Variants in LCOR observed in about 807,000 individuals in gnomAD.
The protein encoded by LCOR is ligand dependent nuclear receptor corepressor, also known as ligand-dependent corepressor.
LCOR carries 14 observed loss-of-function variants against 64.4 expected under a neutral mutation model. The ratio of observed to expected loss-of-function variants is 0.22; its 90% CI spans 0.14 to 0.34. The LOEUF (loss-of-function observed/expected upper bound fraction) is 0.34. Ranked by LOEUF, LCOR falls within the 10% of genes least tolerant of loss-of-function variation. LCOR has a pLI of 1.00. For synonymous variants in LCOR, 643 were observed against 642.5 expected, an observed-to-expected ratio of 1.00 and a Z score of -0.01; for missense variants, 1,686 against 1,765.3, an observed-to-expected ratio of 0.96 and a Z score of 0.80.
At chr10:96,832,859 C>T (rs939447571) in intron 1 of LCOR, 4 of 393,864 alleles carry the variant, frequency 1.0e-5, no homozygotes, top group African/African-American at 4.4e-5. Context: ...CGCCGCCGTC[C>T]TCCTCCTGCG....
intron 4 of LCOR, among the ~76,000 whole-genome samples, chr10:96,911,588 A>G (rs766627878): frequency 8.5e-5 from 13 of 152,324 alleles, no homozygotes; most frequent in Non-Finnish European, 1.6e-4. Flanking sequence ...GCAAGAATTA[A>G]GTAGGTCTTG....
At chr10:96,832,897 C>T in intron 1 of LCOR, 1 of 761,318 alleles carries the variant, frequency 1.3e-6, no homozygotes, top group Non-Finnish European at 1.6e-6. Context: ...GCGGGGCGCG[C>T]CCCCGGGTCT....
intron 4 of LCOR, among the ~76,000 whole-genome samples, chr10:96,920,594 ATG>A (rs372045443): frequency 7.0e-6 from 1 of 143,628 alleles, no homozygotes; most frequent in Non-Finnish European, 1.5e-5. Context: ...ATGTGTATAT[ATG>A]TATGTATATT....
At chr10:96,940,485 T>G (rs1224819630) in intron 4 of LCOR, among the ~76,000 whole-genome samples, 1 of 121,214 alleles carries the variant, frequency 8.2e-6, no homozygotes, top group Non-Finnish European at 1.7e-5. Context: ...TTTGTGTCCC[T>G]GGGTACTTGA....
chr10:96,837,586 G>A (rs187464918), intron 2 of LCOR, among the ~76,000 whole-genome samples: 1 of 152,262 alleles, frequency 6.6e-6, no homozygotes, highest in African/African-American at 2.4e-5. Context: ...CCTTTACAGG[G>A]ACAATATTAT....
At chr10:96,832,899 C>T in intron 1 of LCOR, 1 of 799,176 alleles carries the variant, frequency 1.3e-6, no homozygotes, top group Non-Finnish European at 1.5e-6. Flanking sequence ...GGGGCGCGCC[C>T]CCGGGTCTGC....
intron 2 of LCOR, among the ~76,000 whole-genome samples, chr10:96,902,667 G>C (rs765854900): frequency 6.6e-6 from 1 of 152,102 alleles, no homozygotes; most frequent in Non-Finnish European, 1.5e-5. Flanking sequence ...GACTGACTTC[G>C]TATGAAGGCT....
At chr10:96,956,399 G>A (rs952190272) in intron 7 of LCOR, 7 of 985,050 alleles carry the variant, frequency 7.1e-6, no homozygotes, top group Non-Finnish European at 8.4e-6. Context: ...TTTCATCTAC[G>A]ATTCAACTAA....
rs376710579 is a variant in LCOR at position 96,948,167 on chromosome 10, T to C, written c.-50-841T>C. 8.5e-5 allele frequency among the ~76,000 whole-genome samples: 13 copies of C among 152,372 alleles called. No individual in the cohort carries two copies. The East Asian group carries it at 2.3e-3, about 27-fold the overall frequency. On this transcript the variant is annotated intron_variant, in intron 5 of 7. Transcript: ENST00000421806. ...AGTTCTTCGAGTTAATGAGTTCTTA[T>C]GGTTTAAACTTAACATTGACTAGAA...
chr10:96,920,205 C>T (rs1053740486), intron 4 of LCOR, among the ~76,000 whole-genome samples: 16 of 151,282 alleles, frequency 1.1e-4, no homozygotes, highest in Non-Finnish European at 2.2e-4. Flanking sequence ...TGCTAATGAA[C>T]GTGAAGTAGT....
intron 5 of LCOR, among the ~76,000 whole-genome samples, chr10:96,944,804 TA>T (rs1250599142): frequency 6.6e-6 from 1 of 152,162 alleles, no homozygotes; most frequent in African/African-American, 2.4e-5. Context: ...CTTGCATTTT[TA>T]AAATTTATCT....
intron 7 of LCOR, among the ~76,000 whole-genome samples, chr10:96,979,344 T>C (rs1410756903): frequency 6.6e-6 from 1 of 152,128 alleles, no homozygotes; most frequent in Non-Finnish European, 1.5e-5. Context: ...CTCCAGGAAA[T>C]TGGAGCACAC....
intron 2 of LCOR, among the ~76,000 whole-genome samples, chr10:96,837,413 G>A (rs1349704742): frequency 1.3e-5 from 2 of 151,932 alleles, no homozygotes; most frequent in African/African-American, 4.8e-5. Context: ...GTGCCACCAC[G>A]CCCAGCTAAT....
intron 4 of LCOR, among the ~76,000 whole-genome samples, chr10:96,915,092 T>C (rs1846914647): frequency 6.6e-6 from 1 of 152,156 alleles, no homozygotes. Context: ...AGAGGAAGTC[T>C]CTCAAAACTA....
chr10:96,853,128 T>G lies in LCOR; in HGVS notation c.-330+19649T>G, dbSNP rs576744563. Among the ~76,000 whole-genome samples, 9 of 152,252 alleles carry G rather than the reference T, an allele frequency of 5.9e-5. 1 individual carries two copies. In the East Asian group the frequency reaches 1.7e-3, roughly 29 times the overall value. ...GTGGTGTGATCTTGGCTCACCGCAC[T>G]GCAGCCTCCACCTTCCGGGTTCAAG... On this transcript the variant is annotated intron_variant, in intron 2 of 7. Coordinates refer to ENST00000421806, the MANE Select transcript of LCOR (RefSeq NM_001346516.2).
At chr10:96,836,662 G>A (rs185735909) in intron 2 of LCOR, among the ~76,000 whole-genome samples, 6 of 152,298 alleles carry the variant, frequency 3.9e-5, no homozygotes, top group Admixed American at 1.3e-4. Flanking sequence ...AATCTCTCCC[G>A]AGTTGATGGA....
intron 4 of LCOR, among the ~76,000 whole-genome samples, chr10:96,911,593 G>T (rs1589649982): frequency 6.6e-6 from 1 of 152,296 alleles, no homozygotes; most frequent in Non-Finnish European, 1.5e-5. Context: ...AATTAAGTAG[G>T]TCTTGGAATT....
At chr10:96,971,996 C>T (rs1399531746) in intron 7 of LCOR, among the ~76,000 whole-genome samples, 1 of 151,988 alleles carries the variant, frequency 6.6e-6, no homozygotes, top group South Asian at 2.1e-4. Context: ...AGTTCTACCC[C>T]CAGAACATCT....
intron 2 of LCOR, among the ~76,000 whole-genome samples, chr10:96,863,317 CCTCAGCCTCCTGAGTAG>C (rs1360971706): frequency 1.3e-5 from 2 of 150,894 alleles, no homozygotes; most frequent in Non-Finnish European, 2.9e-5. Flanking sequence ...GATTCTCCTG[CCTCAGCCTCCTGAGTAG>C]CTGGGATTAC....
Sources: gnomAD v4.1 joint callset for allele counts (sites outside exome capture counted in the v4.1 genomes callset) on GRCh38, gnomAD v4.1.1 for gene constraint, MANE v1.5 for transcripts, NCBI Gene and HGNC (gene_info 2026-07-23, HGNC 2026-07-21) for gene names.